MAML3: variants seen among roughly 807,000 people sequenced by gnomAD.
MAML3 encodes the protein mastermind like transcriptional coactivator 3, also known as mastermind-like protein 3.
A neutral mutation model predicts 101.9 loss-of-function variants in MAML3; 27 were observed. That is an observed-to-expected ratio of 0.27 (90% CI 0.20 to 0.37). The LOEUF (loss-of-function observed/expected upper bound fraction) is 0.37. Among genes scored for constraint, MAML3 ranks in the 10% least tolerant of loss-of-function variants. The pLI, the probability that MAML3 is intolerant of heterozygous loss-of-function variation, is 1.00. For missense variants in MAML3, 1,316 were observed against 1,444.9 expected (o/e 0.91, Z 1.45); for synonymous variants, 501 against 555.9 (o/e 0.90, Z 1.39).
intron 1 of MAML3, among the ~76,000 whole-genome samples, chr4:140,060,248 C>A (rs956948096): frequency 4.0e-5 from 6 of 151,262 alleles, no homozygotes; most frequent in Admixed American, 1.3e-4. Context: ...TGCCTGTAAT[C>A]CCAGCTACTC....
intron 1 of MAML3, among the ~76,000 whole-genome samples, chr4:139,897,401 A>G (rs1052894381): frequency 7.9e-5 from 12 of 152,204 alleles, no homozygotes; most frequent in Non-Finnish European, 1.5e-5. Context: ...ACCCTCATCC[A>G]GGACTGGACG....
intron 1 of MAML3, among the ~76,000 whole-genome samples, chr4:139,948,101 AAAATAAATAAAT>A (rs59043940): frequency 8.4e-5 from 12 of 143,140 alleles, no homozygotes; most frequent in South Asian, 6.7e-4. Context: ...ACTCCATCTC[AAAATAAATAAAT>A]AAATAAATAA....
At chr4:139,754,271 T>C (rs900350971) in intron 2 of MAML3, among the ~76,000 whole-genome samples, 2 of 152,254 alleles carry the variant, frequency 1.3e-5, no homozygotes. Context: ...GTTCTTATAG[T>C]TCTTTAAACA....
At chr4:140,134,644 T>C (rs896616656) in intron 1 of MAML3, 5 of 268,842 alleles carry the variant, frequency 1.9e-5, no homozygotes, top group African/African-American at 1.1e-4. Context: ...TGTGTATTTT[T>C]TTCCAGTAGA....
chr4:139,947,673 C>T (rs557060895), intron 1 of MAML3, among the ~76,000 whole-genome samples: 2 of 152,316 alleles, frequency 1.3e-5, no homozygotes, highest in South Asian at 4.1e-4. Context: ...TATCTAGAAT[C>T]TAGCTACCTG....
chr4:139,975,603 G>A (rs1202195746), intron 1 of MAML3, among the ~76,000 whole-genome samples: 2 of 152,148 alleles, frequency 1.3e-5, no homozygotes, highest in South Asian at 2.1e-4. Context: ...AACTCCATGA[G>A]GAAAGGGGGT....
chr4:139,874,415 T>C (rs566174916), intron 2 of MAML3, among the ~76,000 whole-genome samples: 49 of 152,278 alleles, frequency 3.2e-4, no homozygotes, highest in African/African-American at 1.0e-3. Context: ...AAATCACCAG[T>C]GAAACTTGCT....
In MAML3 at chr4:139,742,932, C is replaced by T. The variant is rs143068705; in HGVS notation, c.2080-12265G>A. ...AAAAGCATAAATATTTTTGCTTAAA[C>T]ATCTGGGATGTAGCACCAGTTTCCT... On this transcript the variant is annotated intron_variant, in intron 2 of 4. Coordinates refer to ENST00000509479, the MANE Select transcript of MAML3 (RefSeq NM_018717.5). Among the ~76,000 whole-genome samples, 20 of 152,286 alleles carry T rather than the reference C, an allele frequency of 1.3e-4. No homozygotes were observed. In the East Asian group the frequency reaches 3.7e-3, roughly 28 times the overall value.
chr4:139,904,426 G>T (rs1466018803), intron 1 of MAML3, among the ~76,000 whole-genome samples: 1 of 152,166 alleles, frequency 6.6e-6, no homozygotes, highest in African/African-American at 2.4e-5. Flanking sequence ...GTAGGGACAC[G>T]CTACTGAACA....
At chr4:140,034,631 G>A (rs1441841412) in intron 1 of MAML3, among the ~76,000 whole-genome samples, 1 of 152,122 alleles carries the variant, frequency 6.6e-6, no homozygotes, top group African/African-American at 2.4e-5. Flanking sequence ...ACTGAGATCT[G>A]GAATCAGAGT....
intron 2 of MAML3, among the ~76,000 whole-genome samples, chr4:139,765,910 C>T (rs754094873): frequency 6.6e-6 from 1 of 152,014 alleles, no homozygotes; most frequent in Non-Finnish European, 1.5e-5. Flanking sequence ...TTGCTTGAGC[C>T]CAGGAGATCA....
At position 139,719,179 on chromosome 4, in the gene MAML3, G is replaced by T; in HGVS notation, c.*144C>A. The T allele has an allele frequency of 1.1e-6, 1 of 920,028 alleles. No individual in the cohort carries two copies. The highest frequency in any genetic ancestry group is 1.6e-6 in the Non-Finnish European group (1 of 633,766). 57.0% of individuals were successfully genotyped at this position (920,028 alleles called of 1,614,324 possible). A position where few individuals can be genotyped will look rare whatever the true frequency, so the allele number is the denominator to read the frequency against. On this transcript the variant is annotated 3_prime_UTR_variant, in exon 5 of 5. Coordinates refer to ENST00000509479, the MANE Select transcript of MAML3 (RefSeq NM_018717.5). ...CTGGTGGGGCTGTGGATTGGCACCT[G>T]GATCTTCCATTGTCAGCCAGCTGCA...
chr4:139,845,669 A>G (rs1731430837), intron 2 of MAML3, among the ~76,000 whole-genome samples: 1 of 152,202 alleles, frequency 6.6e-6, no homozygotes, highest in African/African-American at 2.4e-5. Flanking sequence ...TCTGAACTAA[A>G]GCACTTCATA....
intron 1 of MAML3, among the ~76,000 whole-genome samples, chr4:139,935,475 C>G (rs1054491288): frequency 6.6e-6 from 1 of 152,064 alleles, no homozygotes; most frequent in Admixed American, 6.6e-5. Context: ...GTTACTTGGG[C>G]AGTATCTTAA....
chr4:139,767,810 G>C (rs185945343), intron 2 of MAML3, among the ~76,000 whole-genome samples: 6 of 152,354 alleles, frequency 3.9e-5, no homozygotes, highest in African/African-American at 1.4e-4. Context: ...AAGGGTTAGA[G>C]AGAATCTCAA....
chr4:140,020,486 C>T (rs577824897), intron 1 of MAML3, among the ~76,000 whole-genome samples: 1 of 151,558 alleles, frequency 6.6e-6, no homozygotes, highest in East Asian at 1.9e-4. Flanking sequence ...GCACATATTT[C>T]TGGATTTATT....
chr4:139,958,554 T>C (rs1298416318), intron 1 of MAML3, among the ~76,000 whole-genome samples: 1 of 152,108 alleles, frequency 6.6e-6, no homozygotes, highest in African/African-American at 2.4e-5. Context: ...GGGGGAAGAC[T>C]GGGAAATGCT....
intron 1 of MAML3, among the ~76,000 whole-genome samples, chr4:140,098,098 G>A (rs564460062): frequency 1.2e-4 from 19 of 152,274 alleles, no homozygotes; most frequent in Non-Finnish European, 2.4e-4. Flanking sequence ...CTCGGTCCAG[G>A]GAGTTCTTAA....
chr4:139,791,459 C>T (rs111402196), intron 2 of MAML3, among the ~76,000 whole-genome samples: 1,611 of 145,500 alleles, frequency 0.011, 36 homozygotes, highest in African/African-American at 0.038. Context: ...GCTGAGATCA[C>T]GCCACTGCAC....
Sources: gnomAD v4.1 joint callset for allele counts (sites outside exome capture counted in the v4.1 genomes callset) on GRCh38, gnomAD v4.1.1 for gene constraint, MANE v1.5 for transcripts, NCBI Gene and HGNC (gene_info 2026-07-23, HGNC 2026-07-21) for gene names.